The following TENM3 variants were observed in gnomAD, a reference collection of about 807,000 sequenced individuals.
TENM3 encodes teneurin transmembrane protein 3, also known as teneurin-3.
TENM3 carries 63 observed loss-of-function variants against 255.1 expected under a neutral mutation model. The observed-to-expected ratio is 0.25, with a 90% CI of 0.20 to 0.30. The LOEUF (loss-of-function observed/expected upper bound fraction) is 0.30. TENM3 is among the 10% of genes least tolerant of loss of function. The probability of loss-of-function intolerance (pLI) is 1.00; values close to 1 mark genes in which losing one functional copy is unlikely to be tolerated. For synonymous variants in TENM3, 1,306 were observed against 1,322.3 expected, an observed-to-expected ratio of 0.99 and a Z score of 0.27; for missense variants, 2,929 against 3,461.1, an observed-to-expected ratio of 0.85 and a Z score of 3.86.
the TENM3 span, among the ~76,000 whole-genome samples, chr4:181,778,853 C>T: frequency 3.9e-5 from 6 of 151,972 alleles, no homozygotes; most frequent in Non-Finnish European, 8.8e-5. Flanking sequence ...TGATGAATGT[C>T]CTTATTGGGT....
the TENM3 span, chr4:181,522,939 A>G: frequency 1.3e-6 from 1 of 762,244 alleles, no homozygotes; most frequent in African/African-American, 1.7e-5. Context: ...AAAGAAGAGA[A>G]TGGCAAAGTA....
At chr4:182,135,612 T>C in the TENM3 span, among the ~76,000 whole-genome samples, 1 of 152,254 alleles carries the variant, frequency 6.6e-6, no homozygotes, top group African/African-American at 2.4e-5. Context: ...TCTATGTCCA[T>C]TTCAAATGGG....
chr4:182,507,961 C>T (rs1267822612), intron 3 of TENM3, among the ~76,000 whole-genome samples: 1 of 152,048 alleles, frequency 6.6e-6, no homozygotes, highest in Non-Finnish European at 1.5e-5. Context: ...TTTCATGGGT[C>T]CTGGAGCAGA....
the TENM3 span, among the ~76,000 whole-genome samples, chr4:181,684,133 C>T: frequency 6.6e-5 from 10 of 152,182 alleles, no homozygotes; most frequent in Non-Finnish European, 1.2e-4. Context: ...GTCCTCCACA[C>T]AGGTTGACAC....
At chr4:181,519,147 T>C in the TENM3 span, among the ~76,000 whole-genome samples, 3 of 152,296 alleles carry the variant, frequency 2.0e-5, no homozygotes, top group South Asian at 6.2e-4. Flanking sequence ...GCACATCCAG[T>C]GGAAAACCAC....
the TENM3 span, among the ~76,000 whole-genome samples, chr4:181,615,428 C>T: frequency 6.6e-6 from 1 of 152,164 alleles, no homozygotes; most frequent in Non-Finnish European, 1.5e-5. Flanking sequence ...CACCTACCAC[C>T]CCCTACCTTC....
At position 182,641,114 on chromosome 4, in the gene TENM3, C is replaced by G. The variant is rs549414672; in HGVS notation, c.988+12225C>G. 9.2e-5 allele frequency among the ~76,000 whole-genome samples: 14 copies of G among 152,322 alleles called. No homozygotes were observed. In the South Asian group the frequency reaches 1.5e-3, roughly 16 times the overall value. On this transcript the variant is annotated intron_variant, in intron 5 of 27. Coordinates refer to ENST00000511685, the MANE Select transcript of TENM3 (RefSeq NM_001080477.4). The stretch of plus-strand genomic sequence containing the variant: ...TCTTAGTTGACTGAGTGATAAACAA[C>G]AAATCACATGAGCTGCTCGTGCCTA...
chr4:182,515,764 A>G (rs563762824), intron 3 of TENM3, among the ~76,000 whole-genome samples: 27 of 152,314 alleles, frequency 1.8e-4, no homozygotes, highest in African/African-American at 5.3e-4. Flanking sequence ...ATAAATTACT[A>G]CTGTAAGTTA....
the TENM3 span, among the ~76,000 whole-genome samples, chr4:181,468,280 T>C: frequency 2.6e-5 from 4 of 152,020 alleles, no homozygotes; most frequent in African/African-American, 9.7e-5. Context: ...TCTCAAAAAA[T>C]TAAAATTAAA....
chr4:182,032,721 A>G, the TENM3 span, among the ~76,000 whole-genome samples: 12 of 152,124 alleles, frequency 7.9e-5, no homozygotes, highest in Admixed American at 7.2e-4. Context: ...TACTGCCTCA[A>G]TTTGATAACT....
At chr4:181,829,990 T>C in the TENM3 span, 4 of 152,356 alleles carry the variant, frequency 2.6e-5, no homozygotes, top group East Asian at 7.7e-4. Context: ...GAGGTGTGCT[T>C]CTGGGGTCCC....
chr4:181,812,893 G>C, the TENM3 span, among the ~76,000 whole-genome samples: 1 of 152,158 alleles, frequency 6.6e-6, no homozygotes, highest in African/African-American at 2.4e-5. Flanking sequence ...GTCTCCCGGG[G>C]AAAGGAGAAA....
chr4:182,449,064 C>T, intron 3 of TENM3: 2 of 344,922 alleles, frequency 5.8e-6, no homozygotes, highest in South Asian at 4.0e-5. Flanking sequence ...ACGGCCACAG[C>T]GAGGGCGCGC....
intron 1 of TENM3, among the ~76,000 whole-genome samples, chr4:182,216,099 A>C (rs1002433986): frequency 1.3e-5 from 2 of 152,226 alleles, no homozygotes; most frequent in Admixed American, 6.5e-5. Flanking sequence ...AATAATCCAC[A>C]CGTAATCATT....
chr4:181,960,477 G>C, the TENM3 span, among the ~76,000 whole-genome samples: 1 of 152,152 alleles, frequency 6.6e-6, no homozygotes, highest in African/African-American at 2.4e-5. Context: ...AGTCACAAAT[G>C]GATTGAGACT....
intron 12 of TENM3, among the ~76,000 whole-genome samples, chr4:182,691,100 T>A (rs1318415231): frequency 6.6e-6 from 1 of 152,242 alleles, no homozygotes; most frequent in African/African-American, 2.4e-5. Flanking sequence ...ACTACCTGTG[T>A]ATATGCCCAC....
chr4:181,600,593 G>A, the TENM3 span, among the ~76,000 whole-genome samples: 2 of 151,696 alleles, frequency 1.3e-5, no homozygotes, highest in African/African-American at 4.8e-5. Context: ...AACTGCCTAA[G>A]GGAGGCAGTA....
chr4:182,548,488 C>G (rs138254716), intron 3 of TENM3, among the ~76,000 whole-genome samples: 12 of 152,282 alleles, frequency 7.9e-5, no homozygotes, highest in African/African-American at 2.9e-4. Context: ...CGAGGCAACT[C>G]TACCTGGGGG....
chr4:182,589,434 C>G (rs966335428), intron 3 of TENM3, among the ~76,000 whole-genome samples: 1 of 141,682 alleles, frequency 7.1e-6, no homozygotes, highest in Non-Finnish European at 1.5e-5. Context: ...GTGTCTAATT[C>G]TTAGGTTTTT....
Sources: allele counts gnomAD v4.1 joint callset (sites outside exome capture counted in the v4.1 genomes callset), GRCh38; gene constraint gnomAD v4.1.1; transcripts MANE v1.5; gene names NCBI Gene and HGNC (gene_info 2026-07-23, HGNC 2026-07-21).